TRAF3IP3: variants seen among roughly 807,000 people sequenced by gnomAD.
The protein encoded by TRAF3IP3 is TRAF3 interacting protein 3, also known as TRAF3-interacting JNK-activating modulator.
In TRAF3IP3, 64 loss-of-function variants were observed where a neutral mutation model predicts 86.5. The observed-to-expected ratio is 0.74, with a 90% CI of 0.60 to 0.91. The LOEUF (loss-of-function observed/expected upper bound fraction) is 0.91. Among genes scored for constraint, TRAF3IP3 ranks in the 40% least tolerant of loss-of-function variants. The pLI is 0.00. For synonymous variants in TRAF3IP3, 220 were observed against 243.9 expected (o/e 0.90, Z 0.91); for missense variants, 579 against 642.9 (o/e 0.90, Z 1.07).
rs1332965888 is a variant in TRAF3IP3 at position 209,777,592 on chromosome 1, CTTGATTGG to C, written c.1189+114_1189+121del. On this transcript the variant is annotated intron_variant, in intron 12 of 16. Coordinates refer to ENST00000367025, the MANE Select transcript of TRAF3IP3 (RefSeq NM_025228.4). The stretch of plus-strand genomic sequence containing the variant: ...AAGGCTTCAGCCTTTTATTTGTTTG[CTTGATTGG>C]TTGATTGGCTTTATAATCTCATTTT... 10 of 1,236,758 alleles carry C rather than the reference CTTGATTGG, an allele frequency of 8.1e-6. No homozygotes were observed. In the African/African-American group the frequency reaches 1.4e-4, roughly 17 times the overall value. 76.6% of individuals were successfully genotyped at this position (1,236,758 alleles called of 1,614,324 possible).
At chr1:209,781,197 AG>A (rs1196337220) in intron 15 of TRAF3IP3, 147 bp from the exon 16 acceptor site, 42 of 550,836 alleles carry the variant, frequency 7.6e-5, no homozygotes, top group African/African-American at 7.5e-4. Flanking sequence ...GACAGTCAAA[AG>A]ACAAACTCAA....
intron 8 of TRAF3IP3, among the ~76,000 whole-genome samples, chr1:209,770,711 G>GC (rs1571937543): frequency 1.4e-5 from 2 of 144,654 alleles, no homozygotes; most frequent in African/African-American, 2.6e-5. Flanking sequence ...GTGTGTGTGT[G>GC]CAGGTGGAGG....
At chr1:209,773,058 G>A in intron 9 of TRAF3IP3, 39 bp downstream of exon 9, 1 of 1,522,710 alleles carries the variant, frequency 6.6e-7, no homozygotes, top group Non-Finnish European at 9.0e-7. Context: ...CAGGAATCTA[G>A]AATTAAATGA....
At chr1:209,768,988 G>A (rs764155575) in intron 8 of TRAF3IP3, among the ~76,000 whole-genome samples, 8 of 152,278 alleles carry the variant, frequency 5.3e-5, no homozygotes, top group East Asian at 1.9e-4. Flanking sequence ...ATTGTCTTCC[G>A]TTGCAACACG....
At chr1:209,760,443 G>A (rs2077226919) in intron 3 of TRAF3IP3, 59 bp downstream of exon 3, 2 of 1,429,530 alleles carry the variant, frequency 1.4e-6, no homozygotes, top group Admixed American at 2.4e-5. Flanking sequence ...GGACAAGGAG[G>A]GTGGGTGGGC....
intron 16 of TRAF3IP3, 164 bp downstream of exon 16, chr1:209,781,622 C>T (rs1055527762): frequency 3.3e-5 from 18 of 538,012 alleles, no homozygotes; most frequent in Non-Finnish European, 4.3e-5. Flanking sequence ...TTGAAAAAAA[C>T]ACTGGCTCGT....
chr1:209,769,872 C>A (rs2077429553), intron 8 of TRAF3IP3, among the ~76,000 whole-genome samples: 1 of 152,188 alleles, frequency 6.6e-6, no homozygotes, highest in Non-Finnish European at 1.5e-5. Context: ...ATAGGAAAAC[C>A]GGTCACTGCC....
chr1:209,760,384 G>A lies in TRAF3IP3; in HGVS notation c.345G>A (p.Gln115=), dbSNP rs958816966. 1.3e-6 allele frequency: 2 copies of A among 1,581,524 alleles called. No homozygotes were observed. The highest frequency in any genetic ancestry group is 1.1e-5 in the South Asian group (1 of 87,234). The change falls in exon 3 of 17, where the codon CAG becomes CAA. Residue 115 remains glutamine, a splice_region_variant and synonymous_variant. Transcript: ENST00000367025. ...GAAGGATTTCTTCTCCCAGAGAGCA[G>A]GTGGGCCGTGTCAAGGGACATACTG... is the stretch of plus-strand genomic sequence containing the variant. ...CARRISSPRE[Q]VTGTSSEVFP...
At chr1:209,759,862 C>T (rs1050833152) in intron 2 of TRAF3IP3, 120 bp from the exon 3 acceptor site, 2 of 601,110 alleles carry the variant, frequency 3.3e-6, no homozygotes, top group African/African-American at 3.7e-5. Flanking sequence ...ACCATGTCCT[C>T]AGTTTTCAAC....
chr1:209,763,020 T>A, intron 5 of TRAF3IP3, 48 bp from the exon 6 acceptor site: 1 of 1,609,928 alleles, frequency 6.2e-7, no homozygotes, highest in Non-Finnish European at 8.5e-7. Flanking sequence ...GCCTCCTGAC[T>A]TGATTCTTTG....
At chr1:209,777,755 C>T (rs910896057) in intron 12 of TRAF3IP3, 1 of 501,420 alleles carries the variant, frequency 2.0e-6, no homozygotes, top group Non-Finnish European at 3.5e-6. Flanking sequence ...CACAGCTGCT[C>T]CCACATCAGT....
At chr1:209,777,295 C>T in intron 11 of TRAF3IP3, 57 bp from the exon 12 acceptor site, 1 of 1,496,956 alleles carries the variant, frequency 6.7e-7, no homozygotes, top group East Asian at 2.4e-5. Flanking sequence ...TACCCGCCCC[C>T]CAACCTCCAC....
intron 8 of TRAF3IP3, among the ~76,000 whole-genome samples, chr1:209,766,647 T>C (rs2077362181): frequency 6.6e-6 from 1 of 152,196 alleles, no homozygotes; most frequent in Admixed American, 6.5e-5. Flanking sequence ...GTGGACCACT[T>C]GAGGCCAGGA....
In TRAF3IP3 at chr1:209,779,182, T is replaced by C. The variant is rs972703191; in HGVS notation, c.1253-133T>C. 7 of 668,632 alleles carry C rather than the reference T, an allele frequency of 1.0e-5. No homozygotes were observed. The African/African-American group carries it at 1.1e-4, about 10-fold the overall frequency. The allele number at this position is 668,632 out of a possible 1,614,324, so 41.4% of individuals were successfully genotyped here. ...GAGGGTTAGGACTTCAACATATATA[T>C]TCTGGGGGACAAAATTCAACACACA... On this transcript the variant is annotated intron_variant, in intron 13 of 16. Coordinates refer to ENST00000367025, the MANE Select transcript of TRAF3IP3 (RefSeq NM_025228.4).
At chr1:209,766,018 G>A (rs973408040) in intron 8 of TRAF3IP3, among the ~76,000 whole-genome samples, 1 of 152,206 alleles carries the variant, frequency 6.6e-6, no homozygotes, top group Non-Finnish European at 1.5e-5. Flanking sequence ...ACCGCACCGG[G>A]TGGAAAGAGA....
At chr1:209,773,090 A>G (rs2077580028) in intron 9 of TRAF3IP3, 71 bp downstream of exon 9, 2 of 1,357,286 alleles carry the variant, frequency 1.5e-6, no homozygotes, top group South Asian at 1.3e-5. Flanking sequence ...TTGAACCTCA[A>G]TCTTACTTTC....
At position 209,774,876 on chromosome 1, in the gene TRAF3IP3, G is replaced by C. The variant is rs79422166; in HGVS notation, c.775-473G>C. 4.3e-3 allele frequency among the ~76,000 whole-genome samples: 660 copies of C among 152,308 alleles called. 2 individuals carry two copies. The highest frequency in any genetic ancestry group is 8.1e-3 in the Non-Finnish European group (549 of 68,022). ...TACTAGAGCCTGAACTAAGGAAGCA[G>C]CAGTAGGGATAGAGAGGAGACAGAT... is the stretch of plus-strand genomic sequence containing the variant. On this transcript the variant is annotated intron_variant, in intron 9 of 16. Transcript: ENST00000367025.
At chr1:209,768,339 G>A in intron 8 of TRAF3IP3, 1 of 985,414 alleles carries the variant, frequency 1.0e-6, no homozygotes, top group South Asian at 4.7e-5. Flanking sequence ...TAGGCTCTGG[G>A]GCACTATTGA....
At chr1:209,768,007 A>G (rs947617372) in intron 8 of TRAF3IP3, among the ~76,000 whole-genome samples, 3 of 151,692 alleles carry the variant, frequency 2.0e-5, no homozygotes, top group Non-Finnish European at 4.4e-5. Context: ...CCTAGCTTCC[A>G]GTTTTAAAGA....
Sources: gnomAD v4.1 joint callset for allele counts (sites outside exome capture counted in the v4.1 genomes callset) on GRCh38, gnomAD v4.1.1 for gene constraint, MANE v1.5 for transcripts, NCBI Gene and HGNC (gene_info 2026-07-23, HGNC 2026-07-21) for gene names.